MBP: variants seen among roughly 807,000 people sequenced by gnomAD.
MBP encodes Golli-MBP.
In MBP, 16 loss-of-function variants were observed where a neutral mutation model predicts 35.8. The observed-to-expected ratio is 0.45, with a 90% CI of 0.30 to 0.68. The LOEUF (loss-of-function observed/expected upper bound fraction) is 0.68, where lower values mean the gene tolerates loss of function less well. Among genes scored for constraint, MBP ranks in the 30% least tolerant of loss-of-function variants. The pLI is 0.08. For synonymous variants in MBP, 143 were observed against 159.6 expected (o/e 0.90, Z 0.78); for missense variants, 380 against 404.7 (o/e 0.94, Z 0.52).
intron 2 of MBP, 32 bp downstream of exon 2, chr18:77,105,179 A>C (rs1976222620): frequency 6.2e-7 from 1 of 1,608,906 alleles, no homozygotes; most frequent in South Asian, 1.1e-5. Context: ...AGAAAACAAC[A>C]TGCACATGTT....
rs373776471 is a variant in MBP, at chr18:77,101,671, A to G, written c.51+3540T>C. ...CCAGAAAAGTGTCTTTTTTTCACCA[A>G]TCAGAGACATTCCACAGTTAACCCT... On this transcript the variant is annotated intron_variant, in intron 2 of 8. Transcript: ENST00000355994. This position sits in a 1 kb window ranked among gnomAD's most constrained non-coding sequence, Gnocchi z 4.3. 6.6e-6 allele frequency among the ~76,000 whole-genome samples: 1 copy of G among 151,820 alleles called. No homozygotes were observed. The highest frequency in any genetic ancestry group is 2.4e-5 in the African/African-American group (1 of 41,384).
chr18:77,084,431 C>CACACACACA (rs60600826), intron 2 of MBP, among the ~76,000 whole-genome samples: 2,397 of 105,928 alleles, frequency 0.023, 127 homozygotes, highest in African/African-American at 0.025. Flanking sequence ...CCACACCACA[C>CACACACACA]CACACACACA....
chr18:77,028,976 A>G (rs183113339), intron 3 of MBP, among the ~76,000 whole-genome samples: 3,052 of 100,316 alleles, frequency 0.03, 379 homozygotes, highest in African/African-American at 0.082. Context: ...ATGGGCGGCC[A>G]GGCAGAGACG....
chr18:77,059,933 CT>C (rs1158798412), intron 3 of MBP, among the ~76,000 whole-genome samples: 2 of 152,212 alleles, frequency 1.3e-5, no homozygotes, highest in East Asian at 3.8e-4. Context: ...CAGGAACAGC[CT>C]CTTAGAAAAG....
At chr18:77,006,655 T>C (rs1970996700) in intron 4 of MBP, 2 of 152,440 alleles carry the variant, frequency 1.3e-5, no homozygotes, top group African/African-American at 4.8e-5. Flanking sequence ...CATGTCGCAA[T>C]ATTCCCCTAC....
rs748352743 is a variant in MBP, at chr18:77,017,255, C to T, written c.153G>A (p.Ala51=). The T allele has an allele frequency of 2.3e-5, 35 of 1,508,370 alleles. No individual in the cohort carries two copies. The South Asian group carries it at 2.9e-4, about 12-fold the overall frequency. The allele number at this position is 1,508,370 out of a possible 1,614,324, so 93.4% of individuals were successfully genotyped here. ...GAGAGGAGGTCCCATTGTTCTGGTT[C>T]GCATCTGCCTCTCCTGCAAACAACA... The part of the protein sequence containing the change: ...EDNEVFGEAD[A]NQNNGTSSQD... The change falls in exon 4 of 9, where the codon GCG becomes GCA. Residue 51 remains alanine, a synonymous_variant. Coordinates refer to ENST00000355994, the MANE Select transcript of MBP (RefSeq NM_001025101.2).
chr18:77,063,199 T>C (rs891509220), intron 3 of MBP, among the ~76,000 whole-genome samples: 4 of 152,156 alleles, frequency 2.6e-5, no homozygotes, highest in African/African-American at 7.2e-5. Context: ...ATAGCCAAGA[T>C]TATTTTAGTT....
At chr18:77,006,717 C>T (rs1328252096) in intron 4 of MBP, 1 of 152,264 alleles carries the variant, frequency 6.6e-6, no homozygotes, top group African/African-American at 2.4e-5. Context: ...CCCTGTCAGC[C>T]CCGAGAGCAC....
At position 77,102,176 on chromosome 18, in the gene MBP, A is replaced by C. The variant is rs540690936; in HGVS notation, c.51+3035T>G. Among the ~76,000 whole-genome samples, 1 of 152,280 alleles carries C rather than the reference A, an allele frequency of 6.6e-6. No individual in the cohort carries two copies. Among genetic ancestry groups the C allele is most frequent in the East Asian group, 1.9e-4 (1 of 5,182 alleles). ...GCAGGGTGGGAAGGAGGGGGCCCTC[A>C]GCAGCCTGGGCCGGGCAGTGGGGCA... On this transcript the variant is annotated intron_variant, in intron 2 of 8. Transcript: ENST00000355994. The surrounding 1 kb of genome is among the most constrained non-coding windows in gnomAD (Gnocchi z 4.4).
At chr18:76,996,057 C>T (rs1313939110) in intron 4 of MBP, among the ~76,000 whole-genome samples, 2 of 152,174 alleles carry the variant, frequency 1.3e-5, no homozygotes, top group South Asian at 2.1e-4. Flanking sequence ...GCAAAGAGGA[C>T]GTAGGGAGGG....
At chr18:77,107,510 A>C (rs1976317561) in intron 1 of MBP, among the ~76,000 whole-genome samples, 1 of 152,192 alleles carries the variant, frequency 6.6e-6, no homozygotes, top group Non-Finnish European at 1.5e-5. Flanking sequence ...ACTTGTCCCA[A>C]ATCAGAATAG....
At chr18:77,033,927 G>A (rs1357707562) in intron 3 of MBP, among the ~76,000 whole-genome samples, 1 of 151,802 alleles carries the variant, frequency 6.6e-6, no homozygotes, top group Non-Finnish European at 1.5e-5. Flanking sequence ...GTTAGGCACA[G>A]TTCTAAGGAT....
At chr18:77,025,681 C>T (rs1050607408) in intron 3 of MBP, among the ~76,000 whole-genome samples, 5 of 140,588 alleles carry the variant, frequency 3.6e-5, no homozygotes, top group Admixed American at 7.2e-5. Flanking sequence ...GATGACAGAG[C>T]GGACACTGTC....
chr18:77,066,421 G>T, intron 2 of MBP, 36 bp from the exon 3 acceptor site: 2 of 1,323,906 alleles, frequency 1.5e-6, no homozygotes, highest in South Asian at 1.2e-5. Context: ...CTTTTCTTAA[G>T]ATAAATTGTT....
chr18:77,124,197 G>A (rs1222783991), intron 1 of MBP, among the ~76,000 whole-genome samples: 1 of 152,042 alleles, frequency 6.6e-6, no homozygotes, highest in Non-Finnish European at 1.5e-5. Flanking sequence ...CTCTGCCTCT[G>A]GGTCCTTTGT....
Position 77,062,265 on chromosome 18 carries a change from G to T in MBP, c.139+4033C>A, listed in dbSNP as rs1219675942. On this transcript the variant is annotated intron_variant, in intron 3 of 8. Coordinates refer to ENST00000355994, the MANE Select transcript of MBP (RefSeq NM_001025101.2). ...AGCCCCACGATTAGTCAACTCTGGC[G>T]GGAGAAGAGGTGGAGACTGACTCCT... is the stretch of plus-strand genomic sequence containing the variant. 2.0e-5 allele frequency among the ~76,000 whole-genome samples: 3 copies of T among 152,168 alleles called. No individual in the cohort carries two copies. The East Asian group carries it at 5.8e-4, about 29-fold the overall frequency.
At chr18:77,052,881 CA>C (rs1973557489) in intron 3 of MBP, among the ~76,000 whole-genome samples, 1 of 152,212 alleles carries the variant, frequency 6.6e-6, no homozygotes, top group Non-Finnish European at 1.5e-5. Flanking sequence ...GGGTGGACTT[CA>C]GGGGCGCTGT....
intron 4 of MBP, among the ~76,000 whole-genome samples, chr18:76,991,646 T>C (rs972869905): frequency 2.0e-5 from 3 of 152,136 alleles, no homozygotes; most frequent in Non-Finnish European, 4.4e-5. Flanking sequence ...TCCCAGATGC[T>C]ACTTGTTCAG....
intron 3 of MBP, among the ~76,000 whole-genome samples, chr18:77,026,257 G>A (rs559710338): frequency 1.6e-3 from 242 of 152,390 alleles, no homozygotes; most frequent in Non-Finnish European, 3.0e-3. Context: ...GAGGCAGAGC[G>A]CGGGCGTTCT....
Sources: gnomAD v4.1 joint callset for allele counts (sites outside exome capture counted in the v4.1 genomes callset) on GRCh38, gnomAD v4.1.1 for gene constraint, Gnocchi (gnomAD v3.1) non-coding constraint, MANE v1.5 for transcripts, NCBI Gene and HGNC (gene_info 2026-07-23, HGNC 2026-07-21) for gene names.